The following CCDC85C variants were observed in gnomAD, a reference collection of about 807,000 sequenced individuals.
The protein encoded by CCDC85C is coiled-coil domain-containing protein 85C.
CCDC85C carries 18 observed loss-of-function variants against 38.3 expected under a neutral mutation model. The observed-to-expected ratio is 0.47, with a 90% CI of 0.33 to 0.70. The LOEUF (loss-of-function observed/expected upper bound fraction) is 0.70, where lower values mean the gene tolerates loss of function less well. CCDC85C is among the 30% of genes least tolerant of loss of function. The pLI, the probability that CCDC85C is intolerant of heterozygous loss-of-function variation, is 0.03. For missense variants in CCDC85C, 566 were observed against 621.2 expected (o/e 0.91, Z 0.94); for synonymous variants, 264 against 293.8 (o/e 0.90, Z 1.04).
In CCDC85C at chr14:99,533,215, G is replaced by T. The variant is rs776299359; in HGVS notation, c.867+2800C>A. Among the ~76,000 whole-genome samples the T allele has an allele frequency of 1.3e-5, 2 of 152,172 alleles. No individual in the cohort carries two copies. Among genetic ancestry groups the T allele is most frequent in the African/African-American group, 4.8e-5 (2 of 41,448 alleles). On this transcript the variant is annotated intron_variant, in intron 2 of 5. Coordinates refer to ENST00000380243, the MANE Select transcript of CCDC85C (RefSeq NM_001144995.2). The surrounding 1 kb of genome is among the most constrained non-coding windows in gnomAD (Gnocchi z 4.2). ...CGGGGCCAAGGCCCCAGCAGCATAC[G>T]GCTGCCTCCTTTCAGGGTACTGGGT...
intron 1 of CCDC85C, among the ~76,000 whole-genome samples, chr14:99,573,861 T>C (rs1326945471): frequency 2.6e-5 from 4 of 152,148 alleles, no homozygotes; most frequent in Non-Finnish European, 4.4e-5. Flanking sequence ...CTCACTCTTC[T>C]GGGCCGCCGA....
At chr14:99,517,848 G>T (rs758695898) in intron 3 of CCDC85C, among the ~76,000 whole-genome samples, 2 of 152,220 alleles carry the variant, frequency 1.3e-5, no homozygotes, top group African/African-American at 2.4e-5. Context: ...CCAGGTGCAG[G>T]GCTTCTGCCT....
chr14:99,522,035 G>T, intron 3 of CCDC85C, 98 bp downstream of exon 3: 1 of 886,618 alleles, frequency 1.1e-6, no homozygotes, highest in Non-Finnish European at 1.8e-6. Flanking sequence ...CTGAACTCAG[G>T]CACCCAGATC....
At position 99,572,796 on chromosome 14, in the gene CCDC85C, G is replaced by A; in HGVS notation, c.793+30371C>T. The A allele has an allele frequency of 2.2e-6, 1 of 456,106 alleles. No homozygotes were observed. Among genetic ancestry groups the A allele is most frequent in the Admixed American group, 2.3e-5 (1 of 42,574 alleles). The allele number at this position is 456,106 out of a possible 1,614,324, so 28.3% of individuals were successfully genotyped here. A position where few individuals can be genotyped will look rare whatever the true frequency, so the allele number is the denominator to read the frequency against. On this transcript the variant is annotated intron_variant, in intron 1 of 5. Transcript: ENST00000380243. The surrounding 1 kb of genome is among the most constrained non-coding windows in gnomAD (Gnocchi z 4.4). ...TCCAAAGGAGACTTCTGTCTGTCTT[G>A]CTTCATGGAAGTATCCCAGGAGCAT...
At chr14:99,591,418 G>A (rs1462758335) in intron 1 of CCDC85C, among the ~76,000 whole-genome samples, 1 of 152,294 alleles carries the variant, frequency 6.6e-6, no homozygotes, top group East Asian at 1.9e-4. Flanking sequence ...GCCTGGCCTG[G>A]GGCTGCGGAG....
In CCDC85C at chr14:99,510,713, G is replaced by GC; in HGVS notation, c.*4532dup. The GC allele has an allele frequency of 7.1e-7, 1 of 1,414,010 alleles. No homozygotes were observed. Among genetic ancestry groups the GC allele is most frequent in the Non-Finnish European group, 9.2e-7 (1 of 1,083,018 alleles). 87.6% of individuals were successfully genotyped at this position (1,414,010 alleles called of 1,614,324 possible). On this transcript the variant is annotated 3_prime_UTR_variant, in exon 6 of 6. Coordinates refer to ENST00000380243, the MANE Select transcript of CCDC85C (RefSeq NM_001144995.2). The stretch of plus-strand genomic sequence containing the variant: ...TCCCCCCTGGAGGACAGCCTCCTGT[G>GC]CCCCCGCCCATTCCCCCACCCGGCA...
At chr14:99,575,618 G>A (rs1012071394) in intron 1 of CCDC85C, among the ~76,000 whole-genome samples, 1 of 152,218 alleles carries the variant, frequency 6.6e-6, no homozygotes, top group East Asian at 1.9e-4. Flanking sequence ...CCCACCTGCC[G>A]GAGGACCCTG....
At chr14:99,587,392 T>C (rs1395670248) in intron 1 of CCDC85C, among the ~76,000 whole-genome samples, 2 of 152,166 alleles carry the variant, frequency 1.3e-5, no homozygotes, top group Non-Finnish European at 2.9e-5. Flanking sequence ...CAGAGCTAAG[T>C]CTCATTTAAG....
chr14:99,600,289 T>C (rs2055185676), intron 1 of CCDC85C, among the ~76,000 whole-genome samples: 1 of 152,226 alleles, frequency 6.6e-6, no homozygotes, highest in African/African-American at 2.4e-5. Context: ...CTCTGGGTTC[T>C]GTCCATCTTA....
intron 1 of CCDC85C, among the ~76,000 whole-genome samples, chr14:99,596,077 G>GA (rs1307548626): frequency 6.6e-6 from 1 of 152,240 alleles, no homozygotes; most frequent in African/African-American, 2.4e-5. Context: ...TGGCCCTGGG[G>GA]TGGGCCCCTG....
chr14:99,597,422 C>A (rs545896847), intron 1 of CCDC85C, among the ~76,000 whole-genome samples: 14 of 152,290 alleles, frequency 9.2e-5, no homozygotes, highest in African/African-American at 3.4e-4. Context: ...TTAGAACCCA[C>A]ATCTCAACCA....
intron 1 of CCDC85C, among the ~76,000 whole-genome samples, chr14:99,559,726 G>A (rs187995455): frequency 3.3e-5 from 5 of 152,290 alleles, no homozygotes; most frequent in South Asian, 2.1e-4. Flanking sequence ...TAGTTAACCC[G>A]CTTGCAGGGT....
At chr14:99,542,167 T>C (rs569076902) in intron 1 of CCDC85C, among the ~76,000 whole-genome samples, 43 of 152,306 alleles carry the variant, frequency 2.8e-4, no homozygotes, top group Middle Eastern at 3.4e-3. Context: ...CCCTTCTCCT[T>C]CCACTTCATT....
Position 99,516,984 on chromosome 14 carries a change from C to T in CCDC85C, c.1071+104G>A. 2.7e-6 allele frequency: 3 copies of T among 1,106,616 alleles called. No homozygotes were observed. Among genetic ancestry groups the T allele is most frequent in the Non-Finnish European group, 2.7e-6 (2 of 743,514 alleles). 68.5% of individuals were successfully genotyped at this position (1,106,616 alleles called of 1,614,324 possible). On this transcript the variant is annotated intron_variant, in intron 4 of 5. Coordinates refer to ENST00000380243, the MANE Select transcript of CCDC85C (RefSeq NM_001144995.2). The surrounding 1 kb of genome is among the most constrained non-coding windows in gnomAD (Gnocchi z 5.5). ...CCCAGCCACCCACACACAGATGAAA[C>T]CTCCCACCCCTGCCACTTGGATACC...
chr14:99,507,059 C>G lies in CCDC85C; in HGVS notation c.*8187G>C. The G allele has an allele frequency of 6.5e-7, 1 of 1,538,362 alleles. No homozygotes were observed. The highest frequency in any genetic ancestry group is 9.0e-7 in the Non-Finnish European group (1 of 1,110,992). On this transcript the variant is annotated 3_prime_UTR_variant, in exon 6 of 6. Coordinates refer to ENST00000380243, the MANE Select transcript of CCDC85C (RefSeq NM_001144995.2). Reference sequence around the variant, plus strand: ...GAAGAAGTATGAGTGGTTTTCTAATCTGCTTTTTCTTTGTAGAACCACCAC... The same window carrying G: ...GAAGAAGTATGAGTGGTTTTCTAATGTGCTTTTTCTTTGTAGAACCACCAC...
At chr14:99,571,189 C>T (rs1000101774) in intron 1 of CCDC85C, among the ~76,000 whole-genome samples, 4 of 152,234 alleles carry the variant, frequency 2.6e-5, no homozygotes, top group Non-Finnish European at 5.9e-5. Context: ...AGACAGGGAT[C>T]ATGGGGGAGG....
intron 1 of CCDC85C, among the ~76,000 whole-genome samples, chr14:99,587,816 C>T (rs1302007359): frequency 1.3e-5 from 2 of 152,198 alleles, no homozygotes; most frequent in African/African-American, 2.4e-5. Context: ...GTCTCATCCC[C>T]GGGCGCTGAG....
chr14:99,562,520 C>T (rs1242473884), intron 1 of CCDC85C, among the ~76,000 whole-genome samples: 2 of 152,212 alleles, frequency 1.3e-5, no homozygotes, highest in Non-Finnish European at 2.9e-5. Flanking sequence ...TGGCCACAGC[C>T]ACATAGGGCC....
intron 3 of CCDC85C, 112 bp from the exon 4 acceptor site, chr14:99,517,295 A>T (rs1434294567): frequency 3.6e-6 from 3 of 826,938 alleles, no homozygotes; most frequent in Non-Finnish European, 3.7e-6. Flanking sequence ...CAGGAGGAAA[A>T]GGGGACCGGG....
Sources: gnomAD v4.1 joint callset for allele counts (sites outside exome capture counted in the v4.1 genomes callset) on GRCh38, gnomAD v4.1.1 for gene constraint, Gnocchi (gnomAD v3.1) non-coding constraint, MANE v1.5 for transcripts, NCBI Gene and HGNC (gene_info 2026-07-23, HGNC 2026-07-21) for gene names.